The following UQCRH variants were observed in gnomAD, a reference collection of about 807,000 sequenced individuals.
UQCRH encodes cytochrome b-c1 complex subunit 6, mitochondrial.
A neutral mutation model predicts 16.3 loss-of-function variants in UQCRH; 14 were observed. The ratio of observed to expected loss-of-function variants is 0.86; its 90% CI spans 0.57 to 1.34. The LOEUF (loss-of-function observed/expected upper bound fraction) is 1.34. Among genes scored for constraint, UQCRH ranks in the 40% most tolerant of loss-of-function variants. The probability of loss-of-function intolerance (pLI) is 0.00; values close to 1 mark genes in which losing one functional copy is unlikely to be tolerated. For synonymous variants in UQCRH, 41 were observed against 41.9 expected, an observed-to-expected ratio of 0.98 and a Z score of 0.08; for missense variants, 89 against 111.9, an observed-to-expected ratio of 0.80 and a Z score of 0.92.
chr1:46,310,992 G>C (rs977952484), intron 3 of UQCRH, among the ~76,000 whole-genome samples: 4 of 150,836 alleles, frequency 2.7e-5, no homozygotes, highest in Non-Finnish European at 4.4e-5. Context: ...GCGTGAACCC[G>C]GGGAAGCGGA....
intron 3 of UQCRH, among the ~76,000 whole-genome samples, chr1:46,311,074 CAAAAAA>C (rs1196243713): frequency 2.8e-5 from 4 of 144,860 alleles, no homozygotes; most frequent in African/African-American, 5.2e-5. Flanking sequence ...GACTCCATCT[CAAAAAA>C]AAAAAAAAAT....
At chr1:46,309,816 A>G in intron 2 of UQCRH, 13 of 1,234,956 alleles carry the variant, frequency 1.1e-5, no homozygotes, top group Non-Finnish European at 1.3e-5. Flanking sequence ...GTCATATTCC[A>G]AAATGCTGTG....
intron 3 of UQCRH, 89 bp from the exon 4 acceptor site, chr1:46,316,463 G>A: frequency 6.4e-7 from 1 of 1,564,010 alleles, no homozygotes; most frequent in Non-Finnish European, 8.8e-7. Flanking sequence ...GTGAGAAGAG[G>A]GGCAGTACTG....
rs928364928 is a variant in UQCRH at position 46,315,386 on chromosome 1, G to T, written c.244-1166G>T. ...TTGAACCTGGGAGGCAGAGGTTGCG[G>T]TGAGCCATTGCACTCCAGCCTGGGC... On this transcript the variant is annotated intron_variant, in intron 3 of 3. Transcript: ENST00000311672. Among the ~76,000 whole-genome samples the T allele has an allele frequency of 2.6e-5, 4 of 151,964 alleles. No individual in the cohort carries two copies. In the East Asian group the frequency reaches 7.7e-4, roughly 29 times the overall value.
Position 46,309,721 on chromosome 1 carries a change from C to T in UQCRH, c.82-434C>T, listed in dbSNP as rs184365925. On this transcript the variant is annotated intron_variant, in intron 2 of 3. Coordinates refer to ENST00000311672, the MANE Select transcript of UQCRH (RefSeq NM_006004.4). ...AAGGAACCTTTGTTAGATAGTCCTT[C>T]TCTATGTTAGCATTGCCTTTCTAGT... The T allele has an allele frequency of 2.3e-5, 7 of 309,340 alleles. No homozygotes were observed. In the East Asian group the frequency reaches 7.9e-4, roughly 35 times the overall value. The allele number at this position is 309,340 out of a possible 1,614,324, so 19.2% of individuals were successfully genotyped here. A position where few individuals can be genotyped will look rare whatever the true frequency, so the allele number is the denominator to read the frequency against.
intron 3 of UQCRH, among the ~76,000 whole-genome samples, chr1:46,311,086 A>AT (rs1257935866): frequency 6.6e-5 from 10 of 151,018 alleles, no homozygotes; most frequent in Non-Finnish European, 1.2e-4. Context: ...AAAAAAAAAA[A>AT]AAATAATAAT....
intron 1 of UQCRH, 90 bp downstream of exon 1, chr1:46,303,910 C>T (rs867155282): frequency 4.5e-6 from 7 of 1,557,330 alleles, no homozygotes; most frequent in African/African-American, 1.4e-5. Flanking sequence ...TCTTAGCCCC[C>T]AGTTTACCCT....
chr1:46,314,686 A>G (rs1661547378), intron 3 of UQCRH, among the ~76,000 whole-genome samples: 1 of 152,092 alleles, frequency 6.6e-6, no homozygotes, highest in African/African-American at 2.4e-5. Flanking sequence ...AAAAAAAAAA[A>G]AAAAGGAGGG....
intron 3 of UQCRH, among the ~76,000 whole-genome samples, chr1:46,311,796 T>A (rs1434087693): frequency 1.3e-5 from 2 of 151,646 alleles, no homozygotes; most frequent in East Asian, 3.9e-4. Context: ...TTGTTTTTGT[T>A]TTTTTGTATT....
intron 2 of UQCRH, chr1:46,309,620 A>G: frequency 5.4e-6 from 1 of 184,692 alleles, no homozygotes; most frequent in Non-Finnish European, 1.1e-5. Flanking sequence ...TGGTGAGCTG[A>G]GATTGCGCCA....
intron 3 of UQCRH, 113 bp downstream of exon 3, chr1:46,310,429 A>C: frequency 6.8e-7 from 1 of 1,468,076 alleles, no homozygotes; most frequent in Non-Finnish European, 9.3e-7. Context: ...GGCCCAATAT[A>C]TGTGACATAT....
intron 3 of UQCRH, among the ~76,000 whole-genome samples, chr1:46,311,717 C>A (rs1217686215): frequency 6.8e-6 from 1 of 147,584 alleles, no homozygotes; most frequent in Non-Finnish European, 1.5e-5. Context: ...CTCTGCCTCC[C>A]GAGTAGCTGG....
chr1:46,311,850 A>T (rs1402532568), intron 3 of UQCRH, among the ~76,000 whole-genome samples: 6 of 150,700 alleles, frequency 4.0e-5, no homozygotes, highest in Non-Finnish European at 7.4e-5. Context: ...AGATGGTCTC[A>T]GTCTCCTGAC....
intron 1 of UQCRH, among the ~76,000 whole-genome samples, chr1:46,305,624 G>A (rs1031832461): frequency 1.3e-5 from 2 of 151,740 alleles, no homozygotes; most frequent in Non-Finnish European, 2.9e-5. Flanking sequence ...CGTGGCGGCG[G>A]GCGCCTGTAG....
intron 1 of UQCRH, among the ~76,000 whole-genome samples, chr1:46,304,166 C>T (rs1053501410): frequency 6.6e-6 from 1 of 152,168 alleles, no homozygotes; most frequent in African/African-American, 2.4e-5. Flanking sequence ...AACAGACCGC[C>T]TTGCCCCAGC....
At chr1:46,309,584 TG>T (rs1661430323) in intron 2 of UQCRH, 1 of 181,224 alleles carries the variant, frequency 5.5e-6, no homozygotes, top group South Asian at 1.2e-4. Context: ...GCAGGAGAAT[TG>T]CTCGAACCCG....
chr1:46,309,847 T>C (rs1472848526), intron 2 of UQCRH: 4 of 1,318,222 alleles, frequency 3.0e-6, no homozygotes, highest in Non-Finnish European at 3.9e-6. Flanking sequence ...AGGCCTCCTA[T>C]AGATCTACTT....
intron 3 of UQCRH, among the ~76,000 whole-genome samples, chr1:46,311,546 A>T (rs1661475981): frequency 6.6e-6 from 1 of 151,436 alleles, no homozygotes; most frequent in Non-Finnish European, 1.5e-5. Context: ...CCAAAAAAAA[A>T]ATAATTTGTA....
intron 3 of UQCRH, among the ~76,000 whole-genome samples, chr1:46,316,061 C>T (rs1052125976): frequency 1.3e-5 from 2 of 152,108 alleles, no homozygotes; most frequent in African/African-American, 2.4e-5. Context: ...CTGAACCCCC[C>T]GCCCCGCCTC....
Sources: gnomAD v4.1 joint callset for allele counts (sites outside exome capture counted in the v4.1 genomes callset) on GRCh38, gnomAD v4.1.1 for gene constraint, MANE v1.5 for transcripts, NCBI Gene and HGNC (gene_info 2026-07-23, HGNC 2026-07-21) for gene names.